The following NPC1 variants were observed in gnomAD, a reference collection of about 807,000 sequenced individuals.
The protein encoded by NPC1 is Niemann-Pick C1 protein.
A neutral mutation model predicts 140.4 loss-of-function variants in NPC1; 85 were observed. That is an observed-to-expected ratio of 0.61 (90% CI 0.51 to 0.72). NPC1 has a LOEUF of 0.72. Among genes scored for constraint, NPC1 ranks in the 30% least tolerant of loss-of-function variants. NPC1 has a pLI of 0.00. For missense variants in NPC1, 1,504 were observed against 1,623.8 expected (o/e 0.93, Z 1.27); for synonymous variants, 656 against 624.8 (o/e 1.05, Z -0.74).
intron 10 of NPC1, among the ~76,000 whole-genome samples, chr18:23,548,641 T>A (rs1218599606): frequency 6.6e-6 from 1 of 152,252 alleles, no homozygotes; most frequent in Non-Finnish European, 1.5e-5. Flanking sequence ...ATTCTTTTCC[T>A]ACAGTATTTT....
chr18:23,517,839 T>G (rs566964294), downstream of NPC1, among the ~76,000 whole-genome samples: 68 of 152,292 alleles, frequency 4.5e-4, no homozygotes, highest in African/African-American at 1.6e-3. Context: ...TGCCACAGTC[T>G]CCCAAGTAGC....
intron 3 of NPC1, among the ~76,000 whole-genome samples, chr18:23,512,305 G>T (rs183268040): frequency 4.6e-5 from 7 of 152,272 alleles, no homozygotes; most frequent in Non-Finnish European, 7.4e-5. Context: ...ACAGGCGTGA[G>T]CCACCATGCC....
At chr18:23,519,450 C>T (rs530033292), downstream of NPC1, among the ~76,000 whole-genome samples, 111 of 151,030 alleles carry the variant, frequency 7.3e-4, no homozygotes, top group African/African-American at 2.5e-3. Flanking sequence ...CCCAGGAGGT[C>T]GGGGCTTCAG....
intron 9 of NPC1, among the ~76,000 whole-genome samples, chr18:23,554,498 C>T (rs2058920164): frequency 1.3e-5 from 2 of 151,860 alleles, no homozygotes; most frequent in South Asian, 2.1e-4. Context: ...CCTAGCTACT[C>T]AGGAGGCTGA....
chr18:23,571,296 T>C (rs2059199497), intron 3 of NPC1, among the ~76,000 whole-genome samples: 1 of 149,878 alleles, frequency 6.7e-6, no homozygotes, highest in Non-Finnish European at 1.5e-5. Context: ...TCTGGGAGGC[T>C]AAGGTGGGAG....
chr18:23,550,201 G>A (rs927601948), intron 10 of NPC1, among the ~76,000 whole-genome samples: 2 of 151,524 alleles, frequency 1.3e-5, no homozygotes, highest in Non-Finnish European at 2.9e-5. Context: ...TTGCAGAGAC[G>A]GGGTTTCTCC....
In NPC1 at chr18:23,561,368, A is replaced by G; in HGVS notation, c.623T>C (p.Val208Ala). 1.9e-6 allele frequency: 3 copies of G among 1,614,130 alleles called. No homozygotes were observed. Among genetic ancestry groups the G allele is most frequent in the Non-Finnish European group, 1.7e-6 (2 of 1,180,002 alleles). The change falls in exon 5 of 25, where the codon GTG becomes GCG. Residue 208 changes from valine (V) to alanine (A), a missense_variant. Val to Ala is a moderately conservative substitution (Grantham distance 64). Coordinates refer to ENST00000269228, the MANE Select transcript of NPC1 (RefSeq NM_000271.5). The part of the protein sequence containing the change: ...NGQAPFTITP[V>A]FSDFPVHGME... ...GGAATCTTTATACCTACCTGAAAAC[A>G]CAGGAGTGATGGTAAAAGGTGCCTG... is the stretch of plus-strand genomic sequence containing the variant.
chr18:23,538,789 A>G, intron 19 of NPC1, 118 bp from the exon 20 acceptor site: 1 of 1,065,050 alleles, frequency 9.4e-7, no homozygotes, highest in South Asian at 1.3e-5. Flanking sequence ...TACTTTCCTT[A>G]CTAGTGAGGG....
intron 6 of NPC1, 28 bp downstream of exon 6, chr18:23,560,203 G>A (rs771970848): frequency 6.2e-7 from 1 of 1,613,618 alleles, no homozygotes; most frequent in South Asian, 1.1e-5. Flanking sequence ...TGCTCTTTTT[G>A]CCCTGGATGA....
chr18:23,524,227 C>T, intron 1 of NPC1: 5 of 1,600,120 alleles, frequency 3.1e-6, no homozygotes, highest in Non-Finnish European at 4.3e-6. Context: ...TGGTCACCCT[C>T]AGAGAGTGGT....
In NPC1 at chr18:23,531,555, C is replaced by G; in HGVS notation, c.*647G>C. On this transcript the variant is annotated 3_prime_UTR_variant, in exon 25 of 25. Coordinates refer to ENST00000269228, the MANE Select transcript of NPC1 (RefSeq NM_000271.5). ...ATAAGTTAAAACCCAGTAGACACAC[C>G]TACGAGATGCTTTCTTTGTCCCTCA... 1 of 1,581,516 alleles carries G rather than the reference C, an allele frequency of 6.3e-7. No homozygotes were observed. The highest frequency in any genetic ancestry group is 1.4e-5 in the African/African-American group (1 of 73,230).
At chr18:23,571,587 G>A (rs1307216972) in intron 3 of NPC1, among the ~76,000 whole-genome samples, 1 of 151,754 alleles carries the variant, frequency 6.6e-6, no homozygotes, top group Admixed American at 6.6e-5. Flanking sequence ...AACCCGGGAG[G>A]AGGTTGCAGT....
intron 3 of NPC1, among the ~76,000 whole-genome samples, chr18:23,510,709 C>G (rs1466941696): frequency 1.3e-5 from 2 of 151,866 alleles, no homozygotes; most frequent in Non-Finnish European, 2.9e-5. Context: ...ACACATGCGA[C>G]CAACAAACAT....
At chr18:23,526,147 G>A (rs182779767), downstream of NPC1, among the ~76,000 whole-genome samples, 1 of 152,320 alleles carries the variant, frequency 6.6e-6, no homozygotes, top group East Asian at 1.9e-4. Context: ...GGCAGTGTGG[G>A]TGATCAGTAC....
chr18:23,568,995 A>C lies in NPC1; in HGVS notation c.291T>G (p.Cys97Trp). 1 of 1,611,910 alleles carries C rather than the reference A, an allele frequency of 6.2e-7. No homozygotes were observed. Among genetic ancestry groups the C allele is most frequent in the Non-Finnish European group, 8.5e-7 (1 of 1,178,440 alleles). ...LQLPLQFLSR[C>W]PSCFYNLLNL... ...TCAGTAGGTTATAAAAACAGGATGGACATCTAAAGGAAAAGTAAATTATAT... is the reference window on the plus strand; with the variant it reads ...TCAGTAGGTTATAAAAACAGGATGGCCATCTAAAGGAAAAGTAAATTATAT... Residue 97 changes from cysteine (C) to tryptophan (W), a missense_variant, in exon 4 of 25, where the codon TGT (cysteine) becomes TGG (tryptophan). Coordinates refer to ENST00000269228, the MANE Select transcript of NPC1 (RefSeq NM_000271.5).
downstream of NPC1, chr18:23,528,917 T>G (rs1220675647): frequency 2.9e-6 from 1 of 340,028 alleles, no homozygotes; most frequent in Non-Finnish European, 5.4e-6. Flanking sequence ...TTTGTTCTTA[T>G]TGCCCAGGCT....
intron 3 of NPC1, 81 bp downstream of exon 3, chr18:23,571,993 C>A: frequency 1.3e-6 from 1 of 755,932 alleles, no homozygotes; most frequent in Non-Finnish European, 2.3e-6. Flanking sequence ...AATATGTAAA[C>A]AAAGAATAAA....
chr18:23,535,333 C>T, intron 22 of NPC1, 136 bp downstream of exon 22: 1 of 730,988 alleles, frequency 1.4e-6, no homozygotes, highest in Admixed American at 2.0e-5. Context: ...CTCATCCTGC[C>T]TCTCCATGTG....
chr18:23,574,454 A>C (rs1292754596), intron 1 of NPC1, among the ~76,000 whole-genome samples: 1 of 152,110 alleles, frequency 6.6e-6, no homozygotes, highest in African/African-American at 2.4e-5. Context: ...ATAAAAAAAA[A>C]ACAAATCTGA....
Sources: allele counts gnomAD v4.1 joint callset (sites outside exome capture counted in the v4.1 genomes callset), GRCh38; gene constraint gnomAD v4.1.1; transcripts MANE v1.5; gene names NCBI Gene and HGNC (gene_info 2026-07-23, HGNC 2026-07-21).